Variants in RNLS observed in about 807,000 individuals in gnomAD.
RNLS encodes the protein renalase.
A neutral mutation model predicts 39.8 loss-of-function variants in RNLS; 39 were observed. The observed-to-expected ratio is 0.98, with a 90% CI of 0.76 to 1.28. RNLS has a LOEUF of 1.28. RNLS is among the 50% of genes most tolerant of loss of function. The pLI is 0.00. For synonymous variants in RNLS, 147 were observed against 150.7 expected (o/e 0.98, Z 0.18); for missense variants, 410 against 413.3 (o/e 0.99, Z 0.07).
At chr10:88,265,656 C>T in the RNLS span, among the ~76,000 whole-genome samples, 3 of 151,988 alleles carry the variant, frequency 2.0e-5, no homozygotes, top group African/African-American at 4.8e-5. Flanking sequence ...GTAGCTTGGT[C>T]GCTGTTGGTG....
chr10:88,294,613 A>G (rs1340597290), intron 6 of RNLS, among the ~76,000 whole-genome samples: 1 of 152,152 alleles, frequency 6.6e-6, no homozygotes, highest in East Asian at 1.9e-4. Context: ...TCCTCTACAC[A>G]CAACTAACCA....
At chr10:88,264,538 T>C in the RNLS span, among the ~76,000 whole-genome samples, 2 of 152,214 alleles carry the variant, frequency 1.3e-5, no homozygotes, top group African/African-American at 2.4e-5. Context: ...TGGTATCACA[T>C]TGTGGTTTTG....
intron 4 of RNLS, among the ~76,000 whole-genome samples, chr10:88,372,509 G>A (rs1850646307): frequency 1.3e-5 from 2 of 152,074 alleles, no homozygotes; most frequent in South Asian, 2.1e-4. Flanking sequence ...CTCTTTATCC[G>A]GAGGTCCTGT....
chr10:88,291,374 T>G (rs1032544323), intron 6 of RNLS, among the ~76,000 whole-genome samples: 1 of 152,186 alleles, frequency 6.6e-6, no homozygotes, highest in Non-Finnish European at 1.5e-5. Context: ...TTTGTTCATT[T>G]TCAAAGGAAG....
rs1424861405 is a variant in RNLS, at chr10:88,277,881, G to T, written c.877-2849C>A. 2.6e-5 allele frequency among the ~76,000 whole-genome samples: 4 copies of T among 152,086 alleles called. No homozygotes were observed. The East Asian group carries it at 7.7e-4, about 29-fold the overall frequency. On this transcript the variant is annotated intron_variant, in intron 6 of 6. Coordinates refer to the RNLS transcript ENST00000371947. ...TAGAAGTCCTTATTCCTTTAAGGTA[G>T]TATCCCGTTTCTAAATTTATCATGT...
At chr10:88,444,529 A>T (rs1841927480) in intron 4 of RNLS, among the ~76,000 whole-genome samples, 1 of 152,194 alleles carries the variant, frequency 6.6e-6, no homozygotes, top group African/African-American at 2.4e-5. Flanking sequence ...CTCCAAGCTA[A>T]AGGAGGAAGT....
Position 88,394,521 on chromosome 10 carries a change from G to A in RNLS, c.527-31796C>T, listed in dbSNP as rs145319144. Among the ~76,000 whole-genome samples the A allele has an allele frequency of 1.9e-3, 285 of 152,240 alleles. 2 individuals carry two copies. The highest frequency in any genetic ancestry group is 6.4e-3 in the African/African-American group (264 of 41,550). The stretch of plus-strand genomic sequence containing the variant: ...ACCATCTCACGCCAGTTAGAATGGC[G>A]TTCATTAAAAAGTCAGGAAACAACA... On this transcript the variant is annotated intron_variant, in intron 4 of 6. Coordinates refer to ENST00000331772, the MANE Select transcript of RNLS (RefSeq NM_001031709.3).
chr10:88,284,018 A>G (rs896891919), downstream of RNLS: 2 of 526,380 alleles, frequency 3.8e-6, no homozygotes, highest in Admixed American at 6.4e-5. Flanking sequence ...ATAACAAAAA[A>G]TCACTATTTT....
the RNLS span, among the ~76,000 whole-genome samples, chr10:88,208,110 T>C: frequency 1.3e-5 from 2 of 152,152 alleles, no homozygotes; most frequent in South Asian, 4.1e-4. Flanking sequence ...TGTCTCTCTA[T>C]AGGCGAATTG....
chr10:88,210,761 A>C, the RNLS span, among the ~76,000 whole-genome samples: 4 of 152,136 alleles, frequency 2.6e-5, no homozygotes, highest in Non-Finnish European at 5.9e-5. Context: ...TTCAACTGTG[A>C]ATCTTCATTG....
At chr10:88,471,884 G>A (rs1189367298) in intron 4 of RNLS, among the ~76,000 whole-genome samples, 2 of 151,974 alleles carry the variant, frequency 1.3e-5, no homozygotes, top group African/African-American at 4.8e-5. Flanking sequence ...TGTTATTGGA[G>A]ATCAGCAATA....
At chr10:88,215,720 A>T in the RNLS span, among the ~76,000 whole-genome samples, 3 of 107,524 alleles carry the variant, frequency 2.8e-5, no homozygotes, top group Non-Finnish European at 3.6e-5. Context: ...TTTTTCCGAG[A>T]TGGAGTTTTG....
At chr10:88,305,485 A>C (rs1020838742) in intron 6 of RNLS, among the ~76,000 whole-genome samples, 2 of 152,066 alleles carry the variant, frequency 1.3e-5, no homozygotes, top group Non-Finnish European at 2.9e-5. Context: ...GCTCAAAATA[A>C]AGGGATCTAC....
chr10:88,391,502 A>G (rs867727356), intron 4 of RNLS, among the ~76,000 whole-genome samples: 23 of 152,252 alleles, frequency 1.5e-4, no homozygotes, highest in East Asian at 1.2e-3. Flanking sequence ...AGGTTGCAGT[A>G]AGCCAAGGTC....
At chr10:88,430,988 T>C (rs1829526830) in intron 4 of RNLS, among the ~76,000 whole-genome samples, 1 of 151,734 alleles carries the variant, frequency 6.6e-6, no homozygotes, top group Admixed American at 6.6e-5. Flanking sequence ...GCTGGCTTCA[T>C]GAATTAGGTT....
At chr10:88,173,605 C>T in the RNLS span, among the ~76,000 whole-genome samples, 2 of 152,124 alleles carry the variant, frequency 1.3e-5, no homozygotes, top group South Asian at 2.1e-4. Flanking sequence ...TTAATTCTTA[C>T]AATCCAGGAA....
chr10:88,462,190 G>T, intron 4 of RNLS, among the ~76,000 whole-genome samples: 1 of 151,992 alleles, frequency 6.6e-6, no homozygotes, highest in Admixed American at 6.6e-5. Context: ...GACTATATTA[G>T]ATATACATAT....
chr10:88,457,090 C>T lies in RNLS; in HGVS notation c.527-94365G>A, dbSNP rs192475081. On this transcript the variant is annotated intron_variant, in intron 4 of 6. Transcript: ENST00000331772. ...AAAAATCCAGCTCTAGCTAAAATCC[C>T]TGAAGCCCTTGTGAAACCTCAAGAG... Among the ~76,000 whole-genome samples, 111 of 152,328 alleles carry T rather than the reference C, an allele frequency of 7.3e-4. 1 individual carries two copies. The highest frequency in any genetic ancestry group is 7.0e-3 in the South Asian group (34 of 4,828).
chr10:88,226,685 A>C, the RNLS span, among the ~76,000 whole-genome samples: 4 of 145,396 alleles, frequency 2.8e-5, no homozygotes, highest in African/African-American at 1.0e-4. Flanking sequence ...TCACCCTCTA[A>C]TTTTTTAACC....
Sources: gnomAD v4.1 joint callset for allele counts (sites outside exome capture counted in the v4.1 genomes callset) on GRCh38, gnomAD v4.1.1 for gene constraint, MANE v1.5 for transcripts, NCBI Gene and HGNC (gene_info 2026-07-23, HGNC 2026-07-21) for gene names.